NLGN1: variants seen among roughly 807,000 people sequenced by gnomAD.
NLGN1 encodes neuroligin-1.
In NLGN1, 12 loss-of-function variants were observed where a neutral mutation model predicts 65.5. The ratio of observed to expected loss-of-function variants is 0.18; its 90% CI spans 0.12 to 0.30. The LOEUF (loss-of-function observed/expected upper bound fraction) is 0.30. NLGN1 is among the 10% of genes least tolerant of loss of function. The probability of loss-of-function intolerance (pLI) is 1.00; values close to 1 mark genes in which losing one functional copy is unlikely to be tolerated. For missense variants in NLGN1, 750 were observed against 1,007.1 expected, an observed-to-expected ratio of 0.74 and a Z score of 3.46; for synonymous variants, 350 against 359.5, an observed-to-expected ratio of 0.97 and a Z score of 0.30.
rs779677755 is a variant in NLGN1 at position 174,278,851 on chromosome 3, T to A, written c.860-10T>A. On this transcript the variant is annotated splice_polypyrimidine_tract_variant and intron_variant, in intron 5 of 6. Coordinates refer to ENST00000457714, the Ensembl canonical transcript of NLGN1. ...AGATCATCTAAAATTCTTTGTTGAT[T>A]TTCCCATAGGACTTTTTCAACGAGC... 2.7e-6 allele frequency: 4 copies of A among 1,468,844 alleles called. No individual in the cohort carries two copies. The South Asian group carries it at 6.4e-5, about 23-fold the overall frequency. The allele number at this position is 1,468,844 out of a possible 1,614,324, so 91.0% of individuals were successfully genotyped here.
chr3:174,062,895 C>A (rs1263268445), intron 4 of NLGN1, among the ~76,000 whole-genome samples: 1 of 151,902 alleles, frequency 6.6e-6, no homozygotes, highest in African/African-American at 2.4e-5. Flanking sequence ...TTATTTTCTT[C>A]CCTCAGTATA....
chr3:174,102,614 C>T (rs952944030), intron 4 of NLGN1, among the ~76,000 whole-genome samples: 3 of 152,018 alleles, frequency 2.0e-5, no homozygotes, highest in South Asian at 2.1e-4. Flanking sequence ...AAAAAAATAA[C>T]GAAGAACAGA....
intron 2 of NLGN1, among the ~76,000 whole-genome samples, chr3:173,436,500 G>A (rs373843789): frequency 8.9e-4 from 136 of 152,304 alleles, no homozygotes; most frequent in African/African-American, 3.1e-3. Flanking sequence ...AAATAGGGAA[G>A]ACTGTGTGTT....
intron 4 of NLGN1, among the ~76,000 whole-genome samples, chr3:173,897,650 A>T (rs1736568995): frequency 6.6e-6 from 1 of 152,174 alleles, no homozygotes; most frequent in African/African-American, 2.4e-5. Flanking sequence ...TGTTATACTG[A>T]TACCCTCATT....
intron 2 of NLGN1, among the ~76,000 whole-genome samples, chr3:173,485,496 T>C (rs758539187): frequency 1.5e-4 from 23 of 152,190 alleles, no homozygotes; most frequent in African/African-American, 5.5e-4. Flanking sequence ...TAGAATTTTG[T>C]TGGGAGTCGT....
At chr3:174,061,421 T>A (rs1737386709) in intron 4 of NLGN1, among the ~76,000 whole-genome samples, 1 of 152,194 alleles carries the variant, frequency 6.6e-6, no homozygotes, top group South Asian at 2.1e-4. Context: ...GCCAGTAGAA[T>A]TGGTAAATGC....
At chr3:173,750,600 T>C (rs1484846978) in intron 3 of NLGN1, among the ~76,000 whole-genome samples, 5 of 152,120 alleles carry the variant, frequency 3.3e-5, no homozygotes, top group Non-Finnish European at 7.4e-5. Context: ...CAAAATAATT[T>C]TATGTCTATT....
chr3:173,539,677 A>ACATATAGGTGCATATGC, intron 2 of NLGN1, among the ~76,000 whole-genome samples: 1 of 79,414 alleles, frequency 1.3e-5, no homozygotes, highest in African/African-American at 8.7e-5. Flanking sequence ...GCACATATAT[A>ACATATAGGTGCATATGC]ACATACATAT....
At chr3:173,828,992 A>G (rs565799030) in intron 4 of NLGN1, among the ~76,000 whole-genome samples, 1 of 152,176 alleles carries the variant, frequency 6.6e-6, no homozygotes, top group Admixed American at 6.6e-5. Flanking sequence ...GACCTCAGTG[A>G]CTTCCTAGCA....
intron 3 of NLGN1, among the ~76,000 whole-genome samples, chr3:173,727,593 T>C (rs778938342): frequency 1.3e-5 from 2 of 152,084 alleles, no homozygotes; most frequent in Non-Finnish European, 1.5e-5. Context: ...GAATTCACTC[T>C]AGCAAAAGCC....
intron 1 of NLGN1, among the ~76,000 whole-genome samples, chr3:173,407,433 A>G (rs573600700): frequency 6.6e-6 from 1 of 152,326 alleles, no homozygotes; most frequent in East Asian, 1.9e-4. Flanking sequence ...ATCTTCACAT[A>G]ATGCCTTCAT....
chr3:174,279,511 G>A lies in NLGN1; in HGVS notation c.1510G>A (p.Ala504Thr). ...TCAGGTTCCAGCTTGGGCTGATGCA[G>A]CCCACGGAGACGAGGTTCCCTATGT... Residue 504 changes from alanine (A) to threonine (T), a missense_variant, in exon 6 of 7, where the codon GCC becomes ACC. Physicochemically the swap from Ala to Thr is moderately conservative, Grantham distance 58 (BLOSUM62 0). Coordinates refer to ENST00000457714, the Ensembl canonical transcript of NLGN1. The surrounding 1 kb of genome is among the most constrained non-coding windows in gnomAD (Gnocchi z 4.7). 6.2e-7 allele frequency: 1 copy of A among 1,613,122 alleles called. No individual in the cohort carries two copies. The highest frequency in any genetic ancestry group is 1.7e-5 in the Admixed American group (1 of 59,846).
chr3:173,653,502 G>A (rs1030072702), intron 3 of NLGN1, among the ~76,000 whole-genome samples: 4 of 152,084 alleles, frequency 2.6e-5, no homozygotes, highest in African/African-American at 9.7e-5. Context: ...ATGATCATAT[G>A]CTTTCTGTCC....
intron 4 of NLGN1, among the ~76,000 whole-genome samples, chr3:173,863,271 A>G (rs1466376584): frequency 6.6e-6 from 1 of 152,228 alleles, no homozygotes; most frequent in Non-Finnish European, 1.5e-5. Flanking sequence ...TATGACTTTT[A>G]TATTTTTCTC....
intron 1 of NLGN1, among the ~76,000 whole-genome samples, chr3:173,419,457 T>G (rs1714561844): frequency 6.6e-6 from 1 of 151,906 alleles, no homozygotes; most frequent in African/African-American, 2.4e-5. Context: ...GGTCGGAGAT[T>G]TTTTTTTGTT....
intron 2 of NLGN1, among the ~76,000 whole-genome samples, chr3:173,530,519 T>C (rs1736387741): frequency 6.6e-6 from 1 of 152,252 alleles, no homozygotes. Flanking sequence ...GGTAATTTTC[T>C]GAGGTGAGTT....
chr3:174,265,068 C>T (rs894333418), intron 4 of NLGN1, among the ~76,000 whole-genome samples: 1 of 151,958 alleles, frequency 6.6e-6, no homozygotes, highest in African/African-American at 2.4e-5. Flanking sequence ...CTGGGAGAAC[C>T]ACTGCTCTCT....
At chr3:173,562,521 C>T (rs1742912081) in intron 2 of NLGN1, among the ~76,000 whole-genome samples, 1 of 151,316 alleles carries the variant, frequency 6.6e-6, no homozygotes, top group African/African-American at 2.4e-5. Flanking sequence ...GAGCCGAGAT[C>T]TCGCCACTGC....
chr3:174,062,634 A>G (rs1262040422), intron 4 of NLGN1, among the ~76,000 whole-genome samples: 3 of 152,064 alleles, frequency 2.0e-5, no homozygotes, highest in Non-Finnish European at 4.4e-5. Flanking sequence ...TATGTCATAT[A>G]TATCATTCAC....
Sources: allele counts gnomAD v4.1 joint callset (sites outside exome capture counted in the v4.1 genomes callset), GRCh38; gene constraint gnomAD v4.1.1; non-coding constraint Gnocchi (gnomAD v3.1); transcripts MANE v1.5; gene names NCBI Gene and HGNC (gene_info 2026-07-23, HGNC 2026-07-21).